The following VPS13B variants were observed in gnomAD, a reference collection of about 807,000 sequenced individuals.
The protein encoded by VPS13B is vacuolar protein sorting 13 homolog B, also known as intermembrane lipid transfer protein VPS13B.
VPS13B carries 285 observed loss-of-function variants against 426.4 expected under a neutral mutation model. The ratio of observed to expected loss-of-function variants is 0.67; its 90% confidence interval spans 0.61 to 0.74. The LOEUF is 0.74. Ranked by LOEUF, VPS13B falls within the 30% of genes least tolerant of loss-of-function variation. VPS13B has a pLI of 0.00. For missense variants in VPS13B, 4,537 were observed against 4,782.6 expected, an observed-to-expected ratio of 0.95 and a Z score of 1.51; for synonymous variants, 1,676 against 1,676.4, an observed-to-expected ratio of 1.00 and a Z score of 0.01.
At chr8:99,234,586 G>C in intron 17 of VPS13B, 1 of 409,076 alleles carries the variant, frequency 2.4e-6, no homozygotes, top group Admixed American at 3.3e-5. Context: ...GCTTGTGCTG[G>C]CGAGAGTTGG....
chr8:99,167,408 T>G (rs1812069422), intron 15 of VPS13B, among the ~76,000 whole-genome samples: 3 of 152,118 alleles, frequency 2.0e-5, no homozygotes, highest in East Asian at 1.9e-4. Flanking sequence ...TTTATACTAT[T>G]ATGTGTTTTA....
At chr8:99,664,365 A>C (rs1369181128) in intron 35 of VPS13B, among the ~76,000 whole-genome samples, 1 of 151,026 alleles carries the variant, frequency 6.6e-6, no homozygotes, top group East Asian at 2.0e-4. Flanking sequence ...TTTGCACAAC[A>C]TGCAGGTTTG....
At chr8:99,101,894 T>C (rs1445017194) in intron 4 of VPS13B, among the ~76,000 whole-genome samples, 2 of 152,222 alleles carry the variant, frequency 1.3e-5, no homozygotes, top group African/African-American at 2.4e-5. Context: ...TTTCATGAAA[T>C]AGCTAAAATT....
At chr8:99,670,386 A>G (rs1934311383) in intron 35 of VPS13B, among the ~76,000 whole-genome samples, 2 of 152,114 alleles carry the variant, frequency 1.3e-5, no homozygotes, top group Non-Finnish European at 2.9e-5. Flanking sequence ...TAAGGTGTAC[A>G]GTGTGGTGTT....
At chr8:99,870,737 G>C (rs754819887) in intron 59 of VPS13B, 48 bp from the exon 60 acceptor site, 3 of 1,571,274 alleles carry the variant, frequency 1.9e-6, no homozygotes, top group Non-Finnish European at 2.6e-6. Flanking sequence ...GCATGAAACT[G>C]TTTTCCAGAA....
intron 36 of VPS13B, among the ~76,000 whole-genome samples, chr8:99,712,961 G>GTGA (rs1832764788): frequency 1.3e-5 from 2 of 151,950 alleles, no homozygotes; most frequent in African/African-American, 4.8e-5. Context: ...CTAAGAGGTA[G>GTGA]GCACTTTGCA....
chr8:99,360,711 G>A (rs566895194), intron 19 of VPS13B, among the ~76,000 whole-genome samples: 1 of 152,214 alleles, frequency 6.6e-6, no homozygotes, highest in African/African-American at 2.4e-5. Flanking sequence ...CTACTGGCAA[G>A]GGCAAAAGGT....
At chr8:99,107,195 T>G (rs1414779134) in intron 5 of VPS13B, among the ~76,000 whole-genome samples, 1 of 152,192 alleles carries the variant, frequency 6.6e-6, no homozygotes, top group East Asian at 1.9e-4. Flanking sequence ...AATTGTAATA[T>G]CTTTGTGAGG....
intron 23 of VPS13B, among the ~76,000 whole-genome samples, chr8:99,443,584 A>G (rs773735673): frequency 6.3e-4 from 96 of 152,164 alleles, no homozygotes; most frequent in Admixed American, 3.4e-3. Flanking sequence ...TTTAGAGTAT[A>G]TGGTCTTTTT....
At chr8:99,792,399 T>C (rs1423778142) in intron 43 of VPS13B, among the ~76,000 whole-genome samples, 1 of 152,104 alleles carries the variant, frequency 6.6e-6, no homozygotes, top group Non-Finnish European at 1.5e-5. Flanking sequence ...GGTGAAGGGA[T>C]TTTACAGATG....
chr8:99,121,564 C>CT (rs1847934563), intron 8 of VPS13B, 119 bp downstream of exon 8: 3 of 1,505,536 alleles, frequency 2.0e-6, no homozygotes, highest in South Asian at 2.8e-5. Flanking sequence ...GAGATAGAGT[C>CT]TAACAGTTCT....
chr8:99,668,087 A>G (rs1371191894), intron 35 of VPS13B, among the ~76,000 whole-genome samples: 1 of 152,206 alleles, frequency 6.6e-6, no homozygotes, highest in Non-Finnish European at 1.5e-5. Context: ...TTTAATCTGT[A>G]TGCATACCTA....
chr8:99,276,304 G>T (rs1349985449), intron 19 of VPS13B, among the ~76,000 whole-genome samples: 3 of 152,140 alleles, frequency 2.0e-5, no homozygotes, highest in African/African-American at 7.2e-5. Flanking sequence ...CTGTCTGTCA[G>T]CATGCTTCAA....
At chr8:99,320,598 T>C (rs1809922850) in intron 19 of VPS13B, among the ~76,000 whole-genome samples, 1 of 152,210 alleles carries the variant, frequency 6.6e-6, no homozygotes, top group South Asian at 2.1e-4. Context: ...ACTTTGAAAA[T>C]GTTAGAAGGG....
At chr8:99,183,012 T>C (rs1813025276) in intron 16 of VPS13B, among the ~76,000 whole-genome samples, 1 of 152,182 alleles carries the variant, frequency 6.6e-6, no homozygotes, top group Non-Finnish European at 1.5e-5. Context: ...GTGCTGGGAT[T>C]GCAGGCGTGA....
At chr8:99,508,456 T>C (rs530587467) in intron 28 of VPS13B, among the ~76,000 whole-genome samples, 220 of 152,312 alleles carry the variant, frequency 1.4e-3, no homozygotes, top group African/African-American at 5.0e-3. Context: ...CTAATTCTTT[T>C]AACTGATATT....
chr8:99,056,640 A>G lies in VPS13B; in HGVS notation c.291+18074A>G, dbSNP rs893363676. ...TGCTTTCAGCCTTTAACTATTGGAT[A>G]TGATGTTAGGTGTGTGTTTTTCATA... On this transcript the variant is annotated intron_variant, in intron 3 of 61. Transcript: ENST00000357162. 6.6e-5 allele frequency among the ~76,000 whole-genome samples: 10 copies of G among 152,298 alleles called. No individual in the cohort carries two copies. The East Asian group carries it at 1.7e-3, about 26-fold the overall frequency.
chr8:99,283,177 GT>G (rs1819258347), intron 19 of VPS13B, among the ~76,000 whole-genome samples: 1 of 152,144 alleles, frequency 6.6e-6, no homozygotes, highest in Non-Finnish European at 1.5e-5. Flanking sequence ...GTAGAAATAA[GT>G]GAATTGCCTT....
At position 99,255,996 on chromosome 8, in the gene VPS13B, T is replaced by A. The variant is rs1449150936; in HGVS notation, c.2516-18202T>A. 3.9e-5 allele frequency among the ~76,000 whole-genome samples: 6 copies of A among 152,216 alleles called. No homozygotes were observed. The East Asian group carries it at 1.2e-3, about 29-fold the overall frequency. On this transcript the variant is annotated intron_variant, in intron 17 of 61. Coordinates refer to ENST00000357162, the MANE Select transcript of VPS13B (RefSeq NM_152564.5). ...CTTCCCACTTGATCTTTGCTGTTGT[T>A]GGTAGTGGCAGGACCACCATTTTTA...
Sources: gnomAD v4.1 joint callset for allele counts (sites outside exome capture counted in the v4.1 genomes callset) on GRCh38, gnomAD v4.1.1 for gene constraint, MANE v1.5 for transcripts, NCBI Gene and HGNC (gene_info 2026-07-23, HGNC 2026-07-21) for gene names.